TRAF7: variants seen among roughly 807,000 people sequenced by gnomAD.
TRAF7 encodes TNF receptor associated factor 7.
Under a neutral mutation model 89.3 loss-of-function variants are expected in TRAF7, and 45 were observed. That is an observed-to-expected ratio of 0.50 (90% CI 0.40 to 0.65). TRAF7 has a LOEUF of 0.65. Ranked by LOEUF, TRAF7 falls within the 30% of genes least tolerant of loss-of-function variation. TRAF7 has a pLI of 0.00. For synonymous variants in TRAF7, 406 were observed against 369.2 expected (o/e 1.10, Z -1.14); for missense variants, 677 against 918.1 (o/e 0.74, Z 3.39).
chr16:2,168,982 T>C lies in TRAF7; in HGVS notation c.231+814T>C, dbSNP rs957387016. Among the ~76,000 whole-genome samples the C allele has an allele frequency of 1.4e-4, 22 of 152,144 alleles. No homozygotes were observed. Among genetic ancestry groups the C allele is most frequent in the Non-Finnish European group, 3.1e-4 (21 of 68,020 alleles). On this transcript the variant is annotated intron_variant, in intron 4 of 20. Transcript: ENST00000326181. The surrounding 1 kb of genome is among the most constrained non-coding windows in gnomAD (Gnocchi z 4.1). Reference sequence around the variant, plus strand: ...CCTCTTGGGACCGAGGCCTTTTCTTTTTTCCTTTTTTCTTTTTTTTGAGAC... The same window carrying C: ...CCTCTTGGGACCGAGGCCTTTTCTTCTTTCCTTTTTTCTTTTTTTTGAGAC...
At chr16:2,167,863 C>G (rs753194240) in intron 3 of TRAF7, among the ~76,000 whole-genome samples, 1 of 152,052 alleles carries the variant, frequency 6.6e-6, no homozygotes, top group East Asian at 1.9e-4. Flanking sequence ...AGATGTAGAC[C>G]GAGCCCAGCG....
chr16:2,166,805 C>T (rs577928571), intron 3 of TRAF7, among the ~76,000 whole-genome samples: 4 of 152,372 alleles, frequency 2.6e-5, no homozygotes, highest in Non-Finnish European at 4.4e-5. Flanking sequence ...CAGAGTGCTG[C>T]GCTTTGAACG....
Position 2,158,026 on chromosome 16 carries a change from CA to C in TRAF7, c.-39+2169del, listed in dbSNP as rs902750479. On this transcript the variant is annotated intron_variant, in intron 1 of 20. Coordinates refer to ENST00000326181, the MANE Select transcript of TRAF7 (RefSeq NM_032271.3). The surrounding 1 kb of genome is among the most constrained non-coding windows in gnomAD (Gnocchi z 4.7). Reference sequence around the variant, plus strand: ...GCCCGAGGCCAGGAGGGCAGGTACACAGCTGTGAAGTGGTAGAAGTGGACTT... The same window carrying C: ...GCCCGAGGCCAGGAGGGCAGGTACACGCTGTGAAGTGGTAGAAGTGGACTT... Among the ~76,000 whole-genome samples the C allele has an allele frequency of 3.3e-5, 5 of 152,208 alleles. No homozygotes were observed. Among genetic ancestry groups the C allele is most frequent in the African/African-American group, 9.7e-5 (4 of 41,446 alleles).
chr16:2,161,516 G>GC lies in TRAF7; in HGVS notation c.-38-2362dup, dbSNP rs889526577. The stretch of plus-strand genomic sequence containing the variant: ...GCCTGCTGGGGTCCTGGCCACCTGG[G>GC]CCCCCGGGCAGGCATCACTGGCAGG... On this transcript the variant is annotated intron_variant, in intron 1 of 20. Transcript: ENST00000326181. The surrounding 1 kb of genome is among the most constrained non-coding windows in gnomAD (Gnocchi z 5.2). Among the ~76,000 whole-genome samples, 12 of 152,134 alleles carry GC rather than the reference G, an allele frequency of 7.9e-5. No homozygotes were observed. The highest frequency in any genetic ancestry group is 2.0e-4 in the Admixed American group (3 of 15,280).
At chr16:2,170,474 G>A (rs1399602456) in intron 4 of TRAF7, 140 bp from the exon 5 acceptor site, 1 of 638,530 alleles carries the variant, frequency 1.6e-6, no homozygotes, top group Admixed American at 2.7e-5. Context: ...CGGCCCCCGT[G>A]GACGAGGAGA....
chr16:2,173,859 T>A, intron 12 of TRAF7, 23 bp downstream of exon 12: 3 of 1,246,250 alleles, frequency 2.4e-6, no homozygotes, highest in Non-Finnish European at 3.3e-6. Flanking sequence ...CCGCCGTGGC[T>A]CCCGCCCACC....
rs2093117144 is a variant in TRAF7, at chr16:2,172,598, G to A, written c.793G>A (p.Gly265Arg). 3 of 1,547,186 alleles carry A rather than the reference G, an allele frequency of 1.9e-6. No individual in the cohort carries two copies. Among genetic ancestry groups the A allele is most frequent in the South Asian group, 1.2e-5 (1 of 83,958 alleles). The part of the protein sequence containing the change: ...EHIKCPHSKY[G>R]CTFIGNQDTY... ...CATCAAATGCCCCCACTCCAAGTAC[G>A]GGTGAGTGGGGGGCGGGCGGGGGTG... Residue 265 changes from glycine (G) to arginine (R), a missense_variant and splice_region_variant, in exon 9 of 21, where the codon GGG (glycine) becomes AGG (arginine). Physicochemically the swap from Gly to Arg is moderately radical, Grantham distance 125. This residue lies in a region of TRAF7 where 238 missense variants were observed against 352.6 expected (regional missense o/e 0.67). Coordinates refer to ENST00000326181, the MANE Select transcript of TRAF7 (RefSeq NM_032271.3).
rs750671216 is a variant in TRAF7, at chr16:2,165,878, G to C, written c.82-1G>C. On this transcript the variant is annotated splice_acceptor_variant, in intron 2 of 20. Transcript: ENST00000326181. LOFTEE classifies it high-confidence loss of function. ...CCAGGTCTCCTCCGTCCTCCCTCTA[G>C]ACCAGAATGGAAACGACCTTCGGAC... 9 of 1,614,124 alleles carry C rather than the reference G, an allele frequency of 5.6e-6. No homozygotes were observed. In the South Asian group the frequency reaches 8.8e-5, roughly 16 times the overall value.
Position 2,173,971 on chromosome 16 carries a change from C to T in TRAF7, c.1186C>T (p.Gln396Ter). The change falls in exon 13 of 21, where the codon CAG (glutamine) becomes TAG (stop). Residue 396 changes from glutamine (Q) to a stop codon, truncating the protein, a stop_gained. Coordinates refer to ENST00000326181, the MANE Select transcript of TRAF7 (RefSeq NM_032271.3). LOFTEE classifies it high-confidence loss of function. ...FKCKGTFVGH[Q>*]GPVWCLCVYS... ...GTGCAAAGGGACCTTTGTGGGCCAC[C>T]AGGGCCCTGTGTGGTGTCTCTGCGT... 1 of 1,613,392 alleles carries T rather than the reference C, an allele frequency of 6.2e-7. No individual in the cohort carries two copies. The highest frequency in any genetic ancestry group is 8.5e-7 in the Non-Finnish European group (1 of 1,179,904).
intron 2 of TRAF7, among the ~76,000 whole-genome samples, chr16:2,165,275 T>C (rs1472453522): frequency 1.9e-5 from 1 of 52,196 alleles, no homozygotes; most frequent in Admixed American, 2.1e-4. Context: ...TTAAGCGTGT[T>C]AGTGCTGCGT....
intron 1 of TRAF7, among the ~76,000 whole-genome samples, chr16:2,160,807 C>G (rs959908814): frequency 2.6e-5 from 4 of 152,086 alleles, no homozygotes; most frequent in East Asian, 3.9e-4. Flanking sequence ...GGCCACCCCC[C>G]AGCCTCGATG....
Position 2,177,875 on chromosome 16 carries a change from C to G in TRAF7, c.*1301C>G. 3.4e-6 allele frequency: 1 copy of G among 292,372 alleles called. No homozygotes were observed. Among genetic ancestry groups the G allele is most frequent in the Non-Finnish European group, 6.5e-6 (1 of 152,870 alleles). 18.1% of individuals were successfully genotyped at this position (292,372 alleles called of 1,614,324 possible). A position where few individuals can be genotyped will look rare whatever the true frequency, so the allele number is the denominator to read the frequency against. ...CCCCGGCAGAGCACCCGCCCCCGGG[C>G]CCCAGCCTTCCACCTGTGCTAGCAG... On this transcript the variant is annotated 3_prime_UTR_variant, in exon 21 of 21. Transcript: ENST00000326181.
At chr16:2,157,857 C>T (rs2093041741) in intron 1 of TRAF7, among the ~76,000 whole-genome samples, 1 of 152,112 alleles carries the variant, frequency 6.6e-6, no homozygotes, top group Non-Finnish European at 1.5e-5. Flanking sequence ...TGGCTGTGTC[C>T]CTGGGCCGGC....
chr16:2,172,084 A>G, intron 7 of TRAF7, 107 bp from the exon 8 acceptor site: 1 of 1,387,552 alleles, frequency 7.2e-7, no homozygotes, highest in East Asian at 2.5e-5. Flanking sequence ...TGCGTGCCTC[A>G]GAGGCGCAGA....
chr16:2,162,905 G>A lies in TRAF7; in HGVS notation c.-38-978G>A, dbSNP rs1366199933. Reference sequence around the variant, plus strand: ...CTGCCAGGCTCCTGGCTTCCAGGCTGCCCAAGTCCTGAAAGTGGGACCTGC... The same window carrying A: ...CTGCCAGGCTCCTGGCTTCCAGGCTACCCAAGTCCTGAAAGTGGGACCTGC... On this transcript the variant is annotated intron_variant, in intron 1 of 20. Transcript: ENST00000326181. The surrounding 1 kb of genome is among the most constrained non-coding windows in gnomAD (Gnocchi z 5.0). Among the ~76,000 whole-genome samples, 1 of 152,120 alleles carries A rather than the reference G, an allele frequency of 6.6e-6. No homozygotes were observed. Among genetic ancestry groups the A allele is most frequent in the Middle Eastern group, 3.2e-3 (1 of 316 alleles).
intron 7 of TRAF7, 46 bp from the exon 8 acceptor site, chr16:2,172,145 C>T (rs746647930): frequency 6.8e-6 from 11 of 1,607,918 alleles, no homozygotes; most frequent in South Asian, 6.6e-5. Flanking sequence ...GGTGAGGGAG[C>T]GTGTGCCAGG....
rs1245236736 is a variant in TRAF7 at position 2,175,408 on chromosome 16, G to A, written c.1494G>A (p.Lys498=). 1.2e-6 allele frequency: 2 copies of A among 1,613,540 alleles called. No individual in the cohort carries two copies. The highest frequency in any genetic ancestry group is 1.7e-6 in the Non-Finnish European group (2 of 1,179,940). Residue 498 remains lysine, a synonymous_variant, in exon 16 of 21, where the codon AAG becomes AAA. Transcript: ENST00000326181. ...SHNVLFSGSL[K]AIKVWDIVGT... Reference sequence around the variant, plus strand: ...ACGTGCTCTTCAGCGGCTCCCTGAAGGCCATCAAGGTACGGGTGGAGGCTG... The same window carrying A: ...ACGTGCTCTTCAGCGGCTCCCTGAAAGCCATCAAGGTACGGGTGGAGGCTG...
At chr16:2,170,926 A>G (rs910811463) in intron 5 of TRAF7, among the ~76,000 whole-genome samples, 196 bp downstream of exon 5, 1 of 151,756 alleles carries the variant, frequency 6.6e-6, no homozygotes, top group African/African-American at 2.4e-5. Context: ...ATGTTCCCCC[A>G]CTCCCCCTTC....
Position 2,177,209 on chromosome 16 carries a change from C to T in TRAF7, c.*635C>T, listed in dbSNP as rs554023423. ...TTTCCTGCTGTTTATTGACAGCCGA[C>T]GGCAGCGCCTTGCCCAGACCTCCCC... On this transcript the variant is annotated 3_prime_UTR_variant, in exon 21 of 21. Transcript: ENST00000326181. 4.1e-4 allele frequency: 101 copies of T among 244,550 alleles called. No individual in the cohort carries two copies. Among genetic ancestry groups the T allele is most frequent in the Admixed American group, 2.5e-3 (52 of 20,560 alleles). 15.1% of individuals were successfully genotyped at this position (244,550 alleles called of 1,614,324 possible). A position where few individuals can be genotyped will look rare whatever the true frequency, so the allele number is the denominator to read the frequency against.
Sources: gnomAD v4.1 joint callset for allele counts (sites outside exome capture counted in the v4.1 genomes callset) on GRCh38, gnomAD v4.1.1 for gene constraint, gnomAD v4.1.1 regional missense constraint, Gnocchi (gnomAD v3.1) non-coding constraint, MANE v1.5 for transcripts, NCBI Gene and HGNC (gene_info 2026-07-23, HGNC 2026-07-21) for gene names.